MAF: variants seen among roughly 807,000 people sequenced by gnomAD.
The protein encoded by MAF is transcription factor Maf.
Under a neutral mutation model 22.0 loss-of-function variants are expected in MAF, and 10 were observed. That is an observed-to-expected ratio of 0.45 (90% CI 0.28 to 0.77). MAF has a LOEUF of 0.77. MAF is among the 30% of genes least tolerant of loss of function. MAF has a pLI of 0.12. For synonymous variants in MAF, 337 were observed against 255.8 expected (o/e 1.32, Z -3.03); for missense variants, 544 against 548.4 (o/e 0.99, Z 0.08).
At chr16:79,431,881 G>C in the MAF span, among the ~76,000 whole-genome samples, 4 of 152,162 alleles carry the variant, frequency 2.6e-5, no homozygotes, top group African/African-American at 9.7e-5. Flanking sequence ...AGTGTTACAG[G>C]TTGAATTGCC....
chr16:79,240,217 T>C, the MAF span, among the ~76,000 whole-genome samples: 1 of 151,554 alleles, frequency 6.6e-6, no homozygotes, highest in African/African-American at 2.4e-5. Context: ...ACTAAACATG[T>C]TTGGATCCAG....
At chr16:79,541,024 C>T in the MAF span, among the ~76,000 whole-genome samples, 1 of 151,936 alleles carries the variant, frequency 6.6e-6, no homozygotes, top group East Asian at 1.9e-4. Context: ...CATCACACTA[C>T]TACGGTTACT....
chr16:79,448,650 C>G, the MAF span, among the ~76,000 whole-genome samples: 1 of 152,058 alleles, frequency 6.6e-6, no homozygotes, highest in African/African-American at 2.4e-5. Flanking sequence ...TGGTCTCAAG[C>G]TCCAGACCTT....
chr16:79,435,631 G>A, the MAF span, among the ~76,000 whole-genome samples: 3 of 152,194 alleles, frequency 2.0e-5, no homozygotes, highest in Non-Finnish European at 4.4e-5. Flanking sequence ...CAGCTGGCCA[G>A]TGGCAGTTTT....
chr16:79,332,956 G>C, the MAF span, among the ~76,000 whole-genome samples: 12 of 152,176 alleles, frequency 7.9e-5, no homozygotes, highest in Admixed American at 6.5e-4. Flanking sequence ...GTGTCTTTTT[G>C]CACGTCACTG....
the MAF span, among the ~76,000 whole-genome samples, chr16:79,447,331 C>CAA: frequency 5.1e-5 from 5 of 98,586 alleles, no homozygotes; most frequent in Non-Finnish European, 7.1e-5. Flanking sequence ...ACCTACTGCT[C>CAA]AAAAAAAAAA....
the MAF span, among the ~76,000 whole-genome samples, chr16:79,403,326 G>A: frequency 6.6e-6 from 1 of 152,220 alleles, no homozygotes; most frequent in Non-Finnish European, 1.5e-5. Context: ...CTGAGCAAAT[G>A]TATGGGTAGA....
chr16:79,320,644 T>C, the MAF span, among the ~76,000 whole-genome samples: 736 of 152,312 alleles, frequency 4.8e-3, 4 homozygotes, highest in African/African-American at 0.017. Flanking sequence ...TTTGGGCAAA[T>C]GAATGAATGT....
the MAF span, among the ~76,000 whole-genome samples, chr16:79,423,444 G>T: frequency 1.3e-5 from 2 of 152,154 alleles, no homozygotes; most frequent in African/African-American, 4.8e-5. Flanking sequence ...AATCAAACCC[G>T]ATGACTTGTG....
chr16:79,598,535 CCA>C, intron 1 of MAF: 1 of 1,415,992 alleles, frequency 7.1e-7, no homozygotes, highest in Admixed American at 2.7e-5. Flanking sequence ...CATTCCCTCC[CCA>C]GTTTAAAACA....
the MAF span, among the ~76,000 whole-genome samples, chr16:79,391,808 C>T: frequency 1.3e-5 from 2 of 151,350 alleles, no homozygotes; most frequent in African/African-American, 4.9e-5. Context: ...GCAAATGTGT[C>T]CCCCTTTCCC....
the MAF span, among the ~76,000 whole-genome samples, chr16:79,331,380 G>T: frequency 6.6e-6 from 1 of 152,184 alleles, no homozygotes; most frequent in Admixed American, 6.5e-5. Flanking sequence ...GGGCATCAGA[G>T]TCATTCCAGC....
At chr16:79,543,493 A>G in the MAF span, among the ~76,000 whole-genome samples, 1 of 152,170 alleles carries the variant, frequency 6.6e-6, no homozygotes, top group Non-Finnish European at 1.5e-5. Flanking sequence ...TGTTCTCAAG[A>G]TGGCGGGCAG....
the MAF span, among the ~76,000 whole-genome samples, chr16:79,500,992 A>G: frequency 6.6e-6 from 1 of 152,322 alleles, no homozygotes; most frequent in Non-Finnish European, 1.5e-5. Context: ...TAAGCAGAAA[A>G]GATCTGACCC....
the MAF span, among the ~76,000 whole-genome samples, chr16:79,346,815 C>G: frequency 6.6e-6 from 1 of 152,166 alleles, no homozygotes; most frequent in Non-Finnish European, 1.5e-5. Flanking sequence ...TGTTTAAATA[C>G]CCAAATACCG....
the MAF span, among the ~76,000 whole-genome samples, chr16:79,210,434 T>G: frequency 6.6e-6 from 1 of 152,168 alleles, no homozygotes; most frequent in Non-Finnish European, 1.5e-5. Context: ...ATGTAAACCC[T>G]GCAGGGGCAG....
chr16:79,221,693 G>T, the MAF span, among the ~76,000 whole-genome samples: 5 of 152,016 alleles, frequency 3.3e-5, no homozygotes, highest in African/African-American at 1.2e-4. Context: ...GTGTACATGT[G>T]CATGAGTGTA....
At chr16:79,341,563 C>T in the MAF span, among the ~76,000 whole-genome samples, 6 of 152,276 alleles carry the variant, frequency 3.9e-5, no homozygotes, top group South Asian at 1.2e-3. Flanking sequence ...AGGGTTCTTC[C>T]CCACCCCTGG....
chr16:79,575,084 A>C, the MAF span, among the ~76,000 whole-genome samples: 1 of 150,244 alleles, frequency 6.7e-6, no homozygotes, highest in Non-Finnish European at 1.5e-5. Flanking sequence ...TTCTTGATTC[A>C]TGTGGTCTGA....
Sources: gnomAD v4.1 joint callset for allele counts (sites outside exome capture counted in the v4.1 genomes callset) on GRCh38, gnomAD v4.1.1 for gene constraint, MANE v1.5 for transcripts, NCBI Gene and HGNC (gene_info 2026-07-23, HGNC 2026-07-21) for gene names.